BECN1: variants seen among roughly 807,000 people sequenced by gnomAD.
BECN1 encodes beclin-1.
A neutral mutation model predicts 60.1 loss-of-function variants in BECN1; 15 were observed. The ratio of observed to expected loss-of-function variants is 0.25; its 90% CI spans 0.17 to 0.38. The LOEUF (loss-of-function observed/expected upper bound fraction) is 0.38, where lower values mean the gene tolerates loss of function less well. BECN1 is among the 10% of genes least tolerant of loss of function. BECN1 has a pLI of 1.00. For synonymous variants in BECN1, 179 were observed against 201.8 expected, an observed-to-expected ratio of 0.89 and a Z score of 0.96; for missense variants, 424 against 548.2, an observed-to-expected ratio of 0.77 and a Z score of 2.26.
chr17:42,819,304 C>T (rs2055211712), intron 4 of BECN1: 1 of 498,380 alleles, frequency 2.0e-6, no homozygotes. Flanking sequence ...TCAATCACTC[C>T]CTCAATTTTT....
At chr17:42,815,686 C>T (rs1487295055) in intron 8 of BECN1, 1 of 579,962 alleles carries the variant, frequency 1.7e-6, no homozygotes, top group East Asian at 3.0e-5. Flanking sequence ...TTTTAAGTGG[C>T]TGAAGGGCTC....
intron 1 of BECN1, 86 bp downstream of exon 1, chr17:42,824,069 A>C: frequency 3.0e-6 from 2 of 662,870 alleles, no homozygotes; most frequent in South Asian, 4.6e-5. Context: ...TTTAGAGCCC[A>C]GGGTCAGGGA....
chr17:42,815,975 G>C lies in BECN1; in HGVS notation c.763C>G (p.Arg255Gly), dbSNP rs143018406. 2.5e-6 allele frequency: 4 copies of C among 1,613,914 alleles called. No individual in the cohort carries two copies. The South Asian group carries it at 4.4e-5, about 18-fold the overall frequency. The stretch of plus-strand genomic sequence containing the variant: ...TTATCCAGCTGCGTCTGGGCATAAC[G>C]CATCTGGTTTTCAACACTCTTCAGC... Reference protein sequence around the residue: ...DELKSVENQMRYAQTQLDKLK... With the variant: ...DELKSVENQMGYAQTQLDKLK... Residue 255 changes from arginine (R) to glycine (G), a missense_variant, in exon 8 of 12, where the codon CGT (arginine) becomes GGT (glycine). By Grantham distance (125) the Arg-to-Gly change is moderately radical. Around this residue, in one of 3 missense-constraint regions of BECN1, gnomAD observed 326 missense variants for 406.2 expected, o/e 0.80. Coordinates refer to ENST00000590099, the MANE Select transcript of BECN1 (RefSeq NM_001313998.2).
Position 42,810,831 on chromosome 17 carries a change from C to A in BECN1, c.1282G>T (p.Ala428Ser). 6.2e-7 allele frequency: 1 copy of A among 1,613,626 alleles called. No individual in the cohort carries two copies. Among genetic ancestry groups the A allele is most frequent in the Non-Finnish European group, 8.5e-7 (1 of 1,179,794 alleles). ...QFNSEEQWTK[A>S]LKFMLTNLKW... ...AGATTCGTCAGCATGAACTTGAGAGCTTTTGTCCACTGCTCCTCAGAGTTA... is the reference window on the plus strand; with the variant it reads ...AGATTCGTCAGCATGAACTTGAGAGATTTTGTCCACTGCTCCTCAGAGTTA... Residue 428 changes from alanine to serine, a missense_variant, in exon 12 of 12, where the codon GCT becomes TCT. By Grantham distance (99) the Ala-to-Ser change is moderately conservative. Around this residue, in one of 3 missense-constraint regions of BECN1, gnomAD observed 326 missense variants for 406.2 expected, o/e 0.80. Coordinates refer to ENST00000590099, the MANE Select transcript of BECN1 (RefSeq NM_001313998.2).
In BECN1 at chr17:42,810,584, G is replaced by T; in HGVS notation, c.*176C>A. ...TGGCAACTATAGATGGCATGTTGTA[G>T]CTCTGGAAAGTATCTGTCACATGAT... On this transcript the variant is annotated 3_prime_UTR_variant, in exon 12 of 12. Transcript: ENST00000590099. 1 of 614,432 alleles carries T rather than the reference G, an allele frequency of 1.6e-6. No individual in the cohort carries two copies. Among genetic ancestry groups the T allele is most frequent in the Non-Finnish European group, 2.5e-6 (1 of 395,126 alleles). The allele number at this position is 614,432 out of a possible 1,614,324, so 38.1% of individuals were successfully genotyped here.
chr17:42,817,683 T>C (rs751814505), intron 7 of BECN1, among the ~76,000 whole-genome samples: 49 of 152,228 alleles, frequency 3.2e-4, no homozygotes, highest in Non-Finnish European at 6.3e-4. Flanking sequence ...TTGCTAGGAC[T>C]ACAGGTCTAC....
chr17:42,819,221 G>A, intron 4 of BECN1: 1 of 469,432 alleles, frequency 2.1e-6, no homozygotes, highest in East Asian at 3.5e-5. Context: ...GCAGCAATGA[G>A]AACTAAGGAC....
At chr17:42,816,094 G>A (rs199784844) in intron 7 of BECN1, 40 bp from the exon 8 acceptor site, 316 of 1,529,570 alleles carry the variant, frequency 2.1e-4, no homozygotes, top group Non-Finnish European at 2.4e-4. Context: ...CTGTTAGCTT[G>A]GGGGCTAAAG....
chr17:42,815,557 G>C, intron 8 of BECN1: 1 of 254,346 alleles, frequency 3.9e-6, no homozygotes, highest in Non-Finnish European at 7.5e-6. Context: ...CTGTTTTGCT[G>C]TTGCCCTCCT....
intron 3 of BECN1, 141 bp from the exon 4 acceptor site, chr17:42,819,750 A>C: frequency 1.3e-6 from 1 of 789,330 alleles, no homozygotes; most frequent in Non-Finnish European, 2.0e-6. Flanking sequence ...AATGGGTATT[A>C]TCGAAGCAAT....
chr17:42,815,220 G>C (rs530722471), intron 8 of BECN1, among the ~76,000 whole-genome samples: 3 of 147,066 alleles, frequency 2.0e-5, no homozygotes, highest in Non-Finnish European at 4.5e-5. Flanking sequence ...TTTCATATCC[G>C]GCCACTCTCC....
At chr17:42,821,222 G>A (rs2055257602) in intron 2 of BECN1, among the ~76,000 whole-genome samples, 1 of 152,100 alleles carries the variant, frequency 6.6e-6, no homozygotes, top group Non-Finnish European at 1.5e-5. Context: ...ACCATGCCCA[G>A]CTAATTTTTT....
At position 42,810,777 on chromosome 17, in the gene BECN1, G is replaced by T. The variant is rs748988593; in HGVS notation, c.1336C>A (p.Gln446Lys). 1 of 1,608,986 alleles carries T rather than the reference G, an allele frequency of 6.2e-7. No individual in the cohort carries two copies. The highest frequency in any genetic ancestry group is 2.2e-5 in the East Asian group (1 of 44,782). Residue 446 changes from glutamine (Q) to lysine (K), a missense_variant, in exon 12 of 12, where the codon CAA (glutamine) becomes AAA (lysine). By Grantham distance (53) the Gln-to-Lys change is moderately conservative (BLOSUM62 1). Around this residue, in one of 3 missense-constraint regions of BECN1, gnomAD observed 326 missense variants for 406.2 expected, o/e 0.80. Transcript: ENST00000590099. ...LKWGLAWVSS[Q>K]FYNK Reference sequence around the variant, plus strand: ...GAAAAAAGTCATTTGTTATAAAATTGTGAGGACACCCAAGCAAGACCCCAC... The same window carrying T: ...GAAAAAAGTCATTTGTTATAAAATTTTGAGGACACCCAAGCAAGACCCCAC...
intron 3 of BECN1, among the ~76,000 whole-genome samples, chr17:42,819,813 C>T (rs562030831): frequency 6.6e-6 from 1 of 151,988 alleles, no homozygotes; most frequent in Admixed American, 6.6e-5. Flanking sequence ...ACCTTAAGTC[C>T]CATTTGATTT....
At chr17:42,814,132 C>T in intron 9 of BECN1, 124 bp from the exon 10 acceptor site, 2 of 596,150 alleles carry the variant, frequency 3.4e-6, no homozygotes, top group Non-Finnish European at 5.8e-6. Flanking sequence ...GCTCAACTCC[C>T]TCTCCCACCT....
chr17:42,810,478 G>C lies in BECN1; in HGVS notation c.*282C>G, dbSNP rs1311515474. 6 of 229,970 alleles carry C rather than the reference G, an allele frequency of 2.6e-5. No homozygotes were observed. The highest frequency in any genetic ancestry group is 5.0e-5 in the Non-Finnish European group (6 of 119,810). 14.2% of individuals were successfully genotyped at this position (229,970 alleles called of 1,614,324 possible). ...CTCAATTCAACTCAGTTAAAAAAAA[G>C]AAAAGCAAATTTAAATTAGTTTTTT... On this transcript the variant is annotated 3_prime_UTR_variant, in exon 12 of 12. Coordinates refer to ENST00000590099, the MANE Select transcript of BECN1 (RefSeq NM_001313998.2).
At chr17:42,811,167 G>C (rs779468588) in intron 11 of BECN1, 9 of 397,600 alleles carry the variant, frequency 2.3e-5, no homozygotes, top group African/African-American at 4.1e-5. Context: ...GAGAAGCCTG[G>C]AGTAGGGGTG....
At position 42,810,838 on chromosome 17, in the gene BECN1, C is replaced by G. The variant is rs765786652; in HGVS notation, c.1275G>C (p.Trp425Cys). Residue 425 changes from tryptophan to cysteine, a missense_variant, in exon 12 of 12, where the codon TGG becomes TGC. Physicochemically the swap from Trp to Cys is radical, Grantham distance 215. Coordinates refer to ENST00000590099, the MANE Select transcript of BECN1 (RefSeq NM_001313998.2). Reference sequence around the variant, plus strand: ...TCAGCATGAACTTGAGAGCTTTTGTCCACTGCTCCTCAGAGTTAAACTGGG... The same window carrying G: ...TCAGCATGAACTTGAGAGCTTTTGTGCACTGCTCCTCAGAGTTAAACTGGG... Reference protein sequence around the residue: ...IKTQFNSEEQWTKALKFMLTN... With the variant: ...IKTQFNSEEQCTKALKFMLTN... 1 of 1,613,626 alleles carries G rather than the reference C, an allele frequency of 6.2e-7. No individual in the cohort carries two copies. Among genetic ancestry groups the G allele is most frequent in the Admixed American group, 1.7e-5 (1 of 59,948 alleles).
At position 42,811,561 on chromosome 17, in the gene BECN1, A is replaced by G. The variant is rs1597924652; in HGVS notation, c.1184+94T>C. The stretch of plus-strand genomic sequence containing the variant: ...TTCTGTGCCATTTTTTTGCTTTCCC[A>G]CCATTTATACTGTTTTGCCTCCATT... On this transcript the variant is annotated intron_variant, in intron 11 of 11. Transcript: ENST00000590099. 4 of 1,497,358 alleles carry G rather than the reference A, an allele frequency of 2.7e-6. No homozygotes were observed. The East Asian group carries it at 9.2e-5, about 35-fold the overall frequency. The allele number at this position is 1,497,358 out of a possible 1,614,324, so 92.8% of individuals were successfully genotyped here. A position where few individuals can be genotyped will look rare whatever the true frequency, so the allele number is the denominator to read the frequency against.
Sources: allele counts gnomAD v4.1 joint callset (sites outside exome capture counted in the v4.1 genomes callset), GRCh38; gene constraint gnomAD v4.1.1; regional missense constraint gnomAD v4.1.1; transcripts MANE v1.5; gene names NCBI Gene and HGNC (gene_info 2026-07-23, HGNC 2026-07-21).